BCAS1: variants seen among roughly 807,000 people sequenced by gnomAD.
The protein encoded by BCAS1 is breast carcinoma-amplified sequence 1.
Under a neutral mutation model 65.4 loss-of-function variants are expected in BCAS1, and 46 were observed. The observed-to-expected ratio is 0.70, with a 90% CI of 0.55 to 0.90. The LOEUF (loss-of-function observed/expected upper bound fraction) is 0.90. Among genes scored for constraint, BCAS1 ranks in the 40% least tolerant of loss-of-function variants. BCAS1 has a pLI of 0.00. For missense variants in BCAS1, 793 were observed against 771.2 expected, an observed-to-expected ratio of 1.03 and a Z score of -0.33; for synonymous variants, 298 against 293.5, an observed-to-expected ratio of 1.02 and a Z score of -0.16.
rs1287480972 is a variant in BCAS1 at position 53,975,395 on chromosome 20, C to T, written c.1311G>A (p.Glu437=). The T allele has an allele frequency of 3.1e-6, 5 of 1,612,036 alleles. No individual in the cohort carries two copies. Among genetic ancestry groups the T allele is most frequent in the African/African-American group, 1.3e-5 (1 of 74,812 alleles). The change falls in exon 9 of 13, where the codon GAG becomes GAA. Residue 437 remains glutamate (E), a synonymous_variant. Transcript: ENST00000688948. ...VKEDSVPTGA[E]ENVVCESPVE... Reference sequence around the variant, plus strand: ...CGTGGTGTGTGTAACTTACATTCTCCTCCGCACCTGTGGGGACTGAGTCCT... The same window carrying T: ...CGTGGTGTGTGTAACTTACATTCTCTTCCGCACCTGTGGGGACTGAGTCCT...
intron 11 of BCAS1, among the ~76,000 whole-genome samples, chr20:53,956,594 T>A (rs2089707023): frequency 6.6e-6 from 1 of 152,040 alleles, no homozygotes; most frequent in South Asian, 2.1e-4. Context: ...GTACTTTTCA[T>A]AGCTCCTTTA....
rs557827968 is a variant in BCAS1 at position 54,002,763 on chromosome 20, A to G, written c.724-6713T>C. Among the ~76,000 whole-genome samples, 18 of 152,362 alleles carry G rather than the reference A, an allele frequency of 1.2e-4. No homozygotes were observed. In the East Asian group the frequency reaches 3.3e-3, roughly 28 times the overall value. On this transcript the variant is annotated intron_variant, in intron 4 of 12. Coordinates refer to ENST00000688948, the MANE Select transcript of BCAS1 (RefSeq NM_001366298.2). ...TAAATGAAGGGAAGAATGAATGTCA[A>G]TGATCAATCTCTCTTTCTTTCCCAT...
chr20:53,956,509 G>A (rs2089704187), intron 11 of BCAS1, among the ~76,000 whole-genome samples: 1 of 152,178 alleles, frequency 6.6e-6, no homozygotes, highest in Non-Finnish European at 1.5e-5. Flanking sequence ...AACATGTATT[G>A]AGCCCTCTAT....
intron 9 of BCAS1, 76 bp downstream of exon 9, chr20:53,975,313 G>C: frequency 7.4e-7 from 1 of 1,346,344 alleles, no homozygotes; most frequent in Non-Finnish European, 1.1e-6. Context: ...CAGGACCCCA[G>C]AGCTGAAAAT....
chr20:53,999,411 AT>A (rs2091001587), intron 4 of BCAS1, among the ~76,000 whole-genome samples: 1 of 152,254 alleles, frequency 6.6e-6, no homozygotes, highest in Non-Finnish European at 1.5e-5. Flanking sequence ...AGGTTTAAAC[AT>A]CATGTCCAAG....
chr20:53,979,335 G>C lies in BCAS1; in HGVS notation c.1276-3905C>G, dbSNP rs2090418937. ...TGTGGGAAATAGTGGTTCTGGGTAG[G>C]GTGCTGGTGGCTGGTAGAACAACTC... On this transcript the variant is annotated intron_variant, in intron 8 of 12. Coordinates refer to ENST00000688948, the MANE Select transcript of BCAS1 (RefSeq NM_001366298.2). Among the ~76,000 whole-genome samples, 10 of 152,064 alleles carry C rather than the reference G, an allele frequency of 6.6e-5. No individual in the cohort carries two copies. In the South Asian group the frequency reaches 1.9e-3, roughly 28 times the overall value.
At chr20:53,963,490 AAAAAGAAAAAGGAGGGAAATGC>A (rs916094931) in intron 10 of BCAS1, among the ~76,000 whole-genome samples, 6 of 152,156 alleles carry the variant, frequency 3.9e-5, no homozygotes, top group African/African-American at 1.4e-4. Flanking sequence ...AAAAGAAAAA[AAAAAGAAAAAGGAGGGAAATGC>A]AAAGGATAGA....
At chr20:54,068,857 A>G (rs2092478095) in intron 1 of BCAS1, among the ~76,000 whole-genome samples, 1 of 152,112 alleles carries the variant, frequency 6.6e-6, no homozygotes, top group Non-Finnish European at 1.5e-5. Context: ...ATGAGCCTGC[A>G]AGGTGCAAAG....
chr20:53,944,561 G>A lies in BCAS1; in HGVS notation c.*361C>T, dbSNP rs2089247308. 9.1e-6 allele frequency: 2 copies of A among 218,582 alleles called. No individual in the cohort carries two copies. Among genetic ancestry groups the A allele is most frequent in the South Asian group, 7.1e-5 (1 of 14,034 alleles). The allele number at this position is 218,582 out of a possible 1,614,324, so 13.5% of individuals were successfully genotyped here. ...TGACCTCAGGTGATCCACCTGCCTCGGCCTCCCAAAGTGCTGAGATTACAG... is the reference window on the plus strand; with the variant it reads ...TGACCTCAGGTGATCCACCTGCCTCAGCCTCCCAAAGTGCTGAGATTACAG... On this transcript the variant is annotated 3_prime_UTR_variant, in exon 13 of 13. Transcript: ENST00000688948.
intron 4 of BCAS1, among the ~76,000 whole-genome samples, chr20:54,028,077 T>A (rs2091714118): frequency 6.6e-6 from 1 of 152,214 alleles, no homozygotes; most frequent in Non-Finnish European, 1.5e-5. Flanking sequence ...TCCTCCAGAA[T>A]CCACTGATCG....
At chr20:53,975,303 C>T in intron 9 of BCAS1, 86 bp downstream of exon 9, 1 of 1,214,338 alleles carries the variant, frequency 8.2e-7, no homozygotes, top group Middle Eastern at 2.1e-4. Flanking sequence ...TGCAAGAACA[C>T]AGGACCCCAG....
At chr20:54,042,033 G>A (rs891376907) in intron 3 of BCAS1, among the ~76,000 whole-genome samples, 1 of 151,594 alleles carries the variant, frequency 6.6e-6, no homozygotes, top group Non-Finnish European at 1.5e-5. Flanking sequence ...AACACTGTAA[G>A]TCTAACTTCC....
At chr20:53,974,131 T>G (rs1016390372) in intron 9 of BCAS1, among the ~76,000 whole-genome samples, 11 of 152,148 alleles carry the variant, frequency 7.2e-5, no homozygotes, top group Non-Finnish European at 1.6e-4. Context: ...CTCTGTAAAA[T>G]GGACCAATCA....
chr20:53,967,985 C>G lies in BCAS1; in HGVS notation c.1318-912G>C, dbSNP rs564664756. Among the ~76,000 whole-genome samples the G allele has an allele frequency of 4.6e-5, 7 of 152,280 alleles. No homozygotes were observed. In the South Asian group the frequency reaches 1.5e-3, roughly 32 times the overall value. On this transcript the variant is annotated intron_variant, in intron 9 of 12. Coordinates refer to ENST00000688948, the MANE Select transcript of BCAS1 (RefSeq NM_001366298.2). ...ACCAAATCCAGCTCAGTAACTGTTT[C>G]TGTGTGGCTCCTGGGCTAAGGATAG...
At chr20:54,002,042 T>G (rs952466651) in intron 4 of BCAS1, among the ~76,000 whole-genome samples, 3 of 151,906 alleles carry the variant, frequency 2.0e-5, no homozygotes, top group Admixed American at 2.0e-4. Flanking sequence ...GTGGTTGGTT[T>G]TTTTTTTTTC....
intron 7 of BCAS1, among the ~76,000 whole-genome samples, chr20:53,988,107 G>T (rs4811489): frequency 1.1e-4 from 16 of 152,242 alleles, no homozygotes; most frequent in Admixed American, 1.0e-3. Flanking sequence ...CGGCTCCATG[G>T]CCCCACGCTA....
At chr20:54,057,623 C>G (rs535310655) in intron 3 of BCAS1, among the ~76,000 whole-genome samples, 1 of 152,340 alleles carries the variant, frequency 6.6e-6, no homozygotes, top group South Asian at 2.1e-4. Flanking sequence ...GAAGTCCTAA[C>G]CCCCTGTGAA....
Position 53,995,061 on chromosome 20 carries a change from A to C in BCAS1, c.883-5T>G, listed in dbSNP as rs769609337. 3.1e-6 allele frequency: 5 copies of C among 1,609,422 alleles called. No individual in the cohort carries two copies. In the Admixed American group the frequency reaches 8.3e-5, roughly 27 times the overall value. ...TTCAGCTTTGTTAGGTGAAACCTTA[A>C]AAGTTTGAGAAAGCCAAATATTAGA... On this transcript the variant is annotated splice_polypyrimidine_tract_variant and splice_region_variant and intron_variant, in intron 5 of 12. Transcript: ENST00000688948.
rs188665818 is a variant in BCAS1 at position 53,944,470 on chromosome 20, G to A, written c.*452C>T. 1.3e-3 allele frequency: 220 copies of A among 171,298 alleles called. 2 individuals are homozygous for A. The highest frequency in any genetic ancestry group is 4.9e-3 in the African/African-American group (204 of 42,052). The allele number at this position is 171,298 out of a possible 1,614,324, so 10.6% of individuals were successfully genotyped here. A position where few individuals can be genotyped will look rare whatever the true frequency, so the allele number is the denominator to read the frequency against. ...ACTACAGGTGTGTGCCACCATGCCT[G>A]GCTAATTTTTGTATTTTTAGTAGAG... On this transcript the variant is annotated 3_prime_UTR_variant, in exon 13 of 13. Coordinates refer to ENST00000688948, the MANE Select transcript of BCAS1 (RefSeq NM_001366298.2).
Sources: allele counts gnomAD v4.1 joint callset (sites outside exome capture counted in the v4.1 genomes callset), GRCh38; gene constraint gnomAD v4.1.1; transcripts MANE v1.5; gene names NCBI Gene and HGNC (gene_info 2026-07-23, HGNC 2026-07-21).